PTPRD: variants seen among roughly 807,000 people sequenced by gnomAD.
PTPRD encodes the protein protein tyrosine phosphatase receptor type D.
In PTPRD, 34 loss-of-function variants were observed where a neutral mutation model predicts 214.5. The ratio of observed to expected loss-of-function variants is 0.16; its 90% CI spans 0.12 to 0.21. The LOEUF (loss-of-function observed/expected upper bound fraction) is 0.21, where lower values mean the gene tolerates loss of function less well. Among genes scored for constraint, PTPRD ranks in the 10% least tolerant of loss-of-function variants. The pLI is 1.00. For missense variants in PTPRD, 2,545 were observed against 2,398.7 expected (o/e 1.06, Z -1.27); for synonymous variants, 1,128 against 845.7 (o/e 1.33, Z -5.79).
chr9:9,555,468 T>C (rs904205585), intron 8 of PTPRD, among the ~76,000 whole-genome samples: 5 of 152,078 alleles, frequency 3.3e-5, no homozygotes, highest in African/African-American at 1.2e-4. Context: ...TATCGTATTA[T>C]AGTTTCATCA....
At chr9:9,816,227 A>G (rs187833003) in intron 5 of PTPRD, among the ~76,000 whole-genome samples, 11 of 152,314 alleles carry the variant, frequency 7.2e-5, no homozygotes, top group Admixed American at 3.9e-4. Context: ...TTAAAGTTCT[A>G]ACATGTTTTA....
intron 12 of PTPRD, among the ~76,000 whole-genome samples, chr9:8,653,339 AAAC>A (rs2096849800): frequency 6.6e-6 from 1 of 152,172 alleles, no homozygotes; most frequent in Admixed American, 6.5e-5. Flanking sequence ...AGAAATTGCA[AAAC>A]AACACAGTTA....
At chr9:9,989,830 G>A (rs1270980710) in intron 4 of PTPRD, among the ~76,000 whole-genome samples, 1 of 152,200 alleles carries the variant, frequency 6.6e-6, no homozygotes, top group East Asian at 1.9e-4. Flanking sequence ...CGTTCTTGCT[G>A]GTGCCCAAAG....
At chr9:8,639,098 C>T (rs2096516511) in intron 12 of PTPRD, among the ~76,000 whole-genome samples, 1 of 152,162 alleles carries the variant, frequency 6.6e-6, no homozygotes, top group Non-Finnish European at 1.5e-5. Flanking sequence ...GCCTTGGCCT[C>T]CCAAAGTGCT....
At chr9:9,175,719 T>G (rs2099924404) in intron 10 of PTPRD, among the ~76,000 whole-genome samples, 2 of 152,046 alleles carry the variant, frequency 1.3e-5, no homozygotes, top group African/African-American at 4.8e-5. Context: ...GACTCTTCTT[T>G]GTGTGATCCG....
chr9:8,780,748 T>C (rs1038042176), intron 11 of PTPRD, among the ~76,000 whole-genome samples: 3 of 152,080 alleles, frequency 2.0e-5, no homozygotes, highest in African/African-American at 7.2e-5. Context: ...ATCCTCAAAA[T>C]CCTGAGGTAA....
chr9:9,118,396 G>T (rs1032027792), intron 10 of PTPRD, among the ~76,000 whole-genome samples: 2 of 152,004 alleles, frequency 1.3e-5, no homozygotes, highest in African/African-American at 4.8e-5. Flanking sequence ...GTTATAGTGG[G>T]AATAGAAAAA....
chr9:9,767,577 C>G (rs924773608), intron 5 of PTPRD, among the ~76,000 whole-genome samples: 17 of 151,994 alleles, frequency 1.1e-4, no homozygotes, highest in Non-Finnish European at 2.9e-5. Flanking sequence ...TCTGAGAACT[C>G]ACATTGCAAA....
intron 10 of PTPRD, among the ~76,000 whole-genome samples, chr9:9,141,851 A>G (rs1210675865): frequency 1.3e-5 from 2 of 152,048 alleles, no homozygotes; most frequent in Non-Finnish European, 2.9e-5. Flanking sequence ...TCTGGAATAT[A>G]TGCTTGGGGC....
At chr9:9,183,749 T>C (rs2099929654) in intron 9 of PTPRD, among the ~76,000 whole-genome samples, 1 of 151,994 alleles carries the variant, frequency 6.6e-6, no homozygotes, top group African/African-American at 2.4e-5. Context: ...AGAATATCCA[T>C]CCTTTGGCCT....
rs2096583567 is a variant in PTPRD, at chr9:9,506,909, T to C, written c.-237+67823A>G. The stretch of plus-strand genomic sequence containing the variant: ...AAAATTTGGAAAGCAATAATGATTA[T>C]GTTTTAAGATTATAGAAAATTAAGT... On this transcript the variant is annotated intron_variant, in intron 8 of 45. Transcript: ENST00000381196. Among the ~76,000 whole-genome samples, 4 of 151,448 alleles carry C rather than the reference T, an allele frequency of 2.6e-5. No individual in the cohort carries two copies. The Admixed American group carries it at 2.6e-4, about 10-fold the overall frequency.
At chr9:10,568,923 G>C (rs893050538) in intron 2 of PTPRD, among the ~76,000 whole-genome samples, 2 of 152,010 alleles carry the variant, frequency 1.3e-5, no homozygotes, top group African/African-American at 4.8e-5. Context: ...TTGACAAATG[G>C]GATCTAATTA....
In PTPRD at chr9:8,348,366, T is replaced by C. The variant is rs60493253; in HGVS notation, c.4662-6388A>G. 7.5e-3 allele frequency among the ~76,000 whole-genome samples: 1,138 copies of C among 152,226 alleles called. 13 individuals are homozygous for C. Among genetic ancestry groups the C allele is most frequent in the African/African-American group, 0.025 (1,030 of 41,534 alleles). On this transcript the variant is annotated intron_variant, in intron 39 of 45. Coordinates refer to ENST00000381196, the MANE Select transcript of PTPRD (RefSeq NM_002839.4). ...TATGCATGGATGCCACTTTTTCTGA[T>C]GCCTTATATATCTGAGAAACCCTTT... is the stretch of plus-strand genomic sequence containing the variant.
chr9:9,439,805 A>G (rs114588666), intron 8 of PTPRD, among the ~76,000 whole-genome samples: 1,598 of 152,304 alleles, frequency 0.01, 27 homozygotes, highest in African/African-American at 0.037. Context: ...TCATTTTATC[A>G]ATCCAGTAAT....
intron 5 of PTPRD, among the ~76,000 whole-genome samples, chr9:9,866,431 T>C (rs1249541295): frequency 1.3e-5 from 2 of 152,174 alleles, no homozygotes; most frequent in African/African-American, 2.4e-5. Flanking sequence ...TTATACAGTA[T>C]GACCAGAAAT....
At position 8,827,955 on chromosome 9, in the gene PTPRD, A is replaced by C. The variant is rs919660174; in HGVS notation, c.-103-94009T>G. Among the ~76,000 whole-genome samples the C allele has an allele frequency of 2.0e-5, 3 of 152,330 alleles. No individual in the cohort carries two copies. In the East Asian group the frequency reaches 5.8e-4, roughly 29 times the overall value. On this transcript the variant is annotated intron_variant, in intron 11 of 45. Coordinates refer to ENST00000381196, the MANE Select transcript of PTPRD (RefSeq NM_002839.4). Reference sequence around the variant, plus strand: ...CTCAAAGCACATTTAATTAGTACTTATCACCATCCCCTAAACAATAAGATA... The same window carrying C: ...CTCAAAGCACATTTAATTAGTACTTCTCACCATCCCCTAAACAATAAGATA...
At chr9:8,708,665 G>A (rs1368215306) in intron 12 of PTPRD, among the ~76,000 whole-genome samples, 5 of 126,586 alleles carry the variant, frequency 3.9e-5, no homozygotes, top group Admixed American at 9.6e-5. Context: ...GGTGACAAGA[G>A]CGAGACTCTG....
rs558026198 is a variant in PTPRD at position 9,703,750 on chromosome 9, G to C, written c.-287+30783C>G. ...AGAATACAAATTTAATTTGCTCTTA[G>C]AAATCAGGGAGATTAATAAAATAAC... On this transcript the variant is annotated intron_variant, in intron 7 of 45. Coordinates refer to ENST00000381196, the MANE Select transcript of PTPRD (RefSeq NM_002839.4). 2.0e-5 allele frequency among the ~76,000 whole-genome samples: 3 copies of C among 152,196 alleles called. No individual in the cohort carries two copies. In the East Asian group the frequency reaches 5.8e-4, roughly 29 times the overall value.
intron 39 of PTPRD, among the ~76,000 whole-genome samples, chr9:8,373,350 C>T (rs146387908): frequency 1.7e-3 from 264 of 152,070 alleles, no homozygotes; most frequent in African/African-American, 6.2e-3. Context: ...TGTAAAATTA[C>T]CTATGGGTAA....
Sources: gnomAD v4.1 joint callset for allele counts (sites outside exome capture counted in the v4.1 genomes callset) on GRCh38, gnomAD v4.1.1 for gene constraint, MANE v1.5 for transcripts, NCBI Gene and HGNC (gene_info 2026-07-23, HGNC 2026-07-21) for gene names.